Variants in NAPEPLD observed in about 807,000 individuals in gnomAD.
NAPEPLD encodes the protein N-acyl phosphatidylethanolamine phospholipase D, also known as N-acyl-phosphatidylethanolamine-hydrolyzing phospholipase D.
A neutral mutation model predicts 38.1 loss-of-function variants in NAPEPLD; 23 were observed. The ratio of observed to expected loss-of-function variants is 0.60; its 90% confidence interval spans 0.43 to 0.86. The LOEUF (loss-of-function observed/expected upper bound fraction) is 0.86. Among genes scored for constraint, NAPEPLD ranks in the 40% least tolerant of loss-of-function variants. NAPEPLD has a pLI of 0.00. For missense variants in NAPEPLD, 411 were observed against 476.8 expected (o/e 0.86, Z 1.28); for synonymous variants, 147 against 162.0 (o/e 0.91, Z 0.71).
In NAPEPLD at chr7:103,103,233, C is replaced by T; in HGVS notation, c.*196G>A. The T allele has an allele frequency of 4.2e-6, 2 of 471,964 alleles. No homozygotes were observed. Among genetic ancestry groups the T allele is most frequent in the South Asian group, 9.8e-5 (2 of 20,356 alleles). The allele number at this position is 471,964 out of a possible 1,614,324, so 29.2% of individuals were successfully genotyped here. A position where few individuals can be genotyped will look rare whatever the true frequency, so the allele number is the denominator to read the frequency against. The stretch of plus-strand genomic sequence containing the variant: ...GCCAATTCATTATTTAAATGACCCA[C>T]CCCTGAACCCTCTCATAGTGTACAT... On this transcript the variant is annotated 3_prime_UTR_variant, in exon 5 of 5. Transcript: ENST00000465647.
At chr7:103,107,071 T>C (rs1358461221) in intron 4 of NAPEPLD, among the ~76,000 whole-genome samples, 1 of 152,178 alleles carries the variant, frequency 6.6e-6, no homozygotes, top group Non-Finnish European at 1.5e-5. Flanking sequence ...CAGTAATCTT[T>C]GCTGTTCTGC....
At chr7:103,119,468 C>A (rs1322259198) in intron 3 of NAPEPLD, 109 bp downstream of exon 3, 2 of 1,214,094 alleles carry the variant, frequency 1.6e-6, no homozygotes, top group Non-Finnish European at 2.3e-6. Context: ...ATAACAAAGT[C>A]CACCATTAAA....
chr7:103,115,047 C>T lies in NAPEPLD; in HGVS notation c.1056+13G>A, dbSNP rs768060970. 1 of 1,587,694 alleles carries T rather than the reference C, an allele frequency of 6.3e-7. No homozygotes were observed. Among genetic ancestry groups the T allele is most frequent in the Non-Finnish European group, 8.6e-7 (1 of 1,158,662 alleles). ...CAAACACACAAAGTTATTTTTATCGCAATCAAACTTACCTCATTTGCTAAG... is the reference window on the plus strand; with the variant it reads ...CAAACACACAAAGTTATTTTTATCGTAATCAAACTTACCTCATTTGCTAAG... On this transcript the variant is annotated intron_variant, in intron 4 of 4. Coordinates refer to ENST00000465647, the MANE Select transcript of NAPEPLD (RefSeq NM_001122838.3).
intron 4 of NAPEPLD, among the ~76,000 whole-genome samples, chr7:103,112,421 C>T (rs1585835941): frequency 6.6e-6 from 1 of 152,072 alleles, no homozygotes; most frequent in Admixed American, 6.5e-5. Context: ...TACTATGCAG[C>T]CATAGAAAAG....
intron 2 of NAPEPLD, among the ~76,000 whole-genome samples, chr7:103,121,974 C>T (rs1441733159): frequency 1.3e-5 from 2 of 152,000 alleles, no homozygotes; most frequent in Admixed American, 6.6e-5. Context: ...GAGAAACCAC[C>T]CAAGCAAAGG....
chr7:103,121,008 G>A (rs1806589652), intron 2 of NAPEPLD, among the ~76,000 whole-genome samples: 1 of 152,056 alleles, frequency 6.6e-6, no homozygotes, highest in Non-Finnish European at 1.5e-5. Context: ...CACTGTGCCT[G>A]GCCTGAATCT....
chr7:103,109,859 T>A (rs6465895), intron 4 of NAPEPLD, among the ~76,000 whole-genome samples: 1 of 151,992 alleles, frequency 6.6e-6, no homozygotes, highest in African/African-American at 2.4e-5. Flanking sequence ...AGAATCAAAT[T>A]GACGCAATAA....
chr7:103,136,291 G>A (rs1810042231), intron 1 of NAPEPLD, among the ~76,000 whole-genome samples: 2 of 151,138 alleles, frequency 1.3e-5, no homozygotes, highest in East Asian at 3.9e-4. Flanking sequence ...AATTGTTGAG[G>A]CTGGGAGCAG....
intron 1 of NAPEPLD, among the ~76,000 whole-genome samples, chr7:103,137,835 AAG>A (rs1199980639): frequency 7.3e-6 from 1 of 136,382 alleles, no homozygotes; most frequent in African/African-American, 2.6e-5. Context: ...AAAAAAAAAA[AAG>A]AAAAAGAAAA....
At chr7:103,105,030 A>T (rs1219622456) in intron 4 of NAPEPLD, among the ~76,000 whole-genome samples, 3 of 152,208 alleles carry the variant, frequency 2.0e-5, no homozygotes, top group Non-Finnish European at 2.9e-5. Context: ...AGTTGGCAGT[A>T]GACCCTCTGT....
intron 4 of NAPEPLD, among the ~76,000 whole-genome samples, chr7:103,109,135 T>G (rs1348477063): frequency 2.0e-5 from 3 of 152,118 alleles, no homozygotes; most frequent in Non-Finnish European, 4.4e-5. Flanking sequence ...CACACAATAA[T>G]AGTGGAAGAC....
chr7:103,145,701 A>G (rs531678506), intron 1 of NAPEPLD, among the ~76,000 whole-genome samples: 1 of 152,322 alleles, frequency 6.6e-6, no homozygotes, highest in Admixed American at 6.5e-5. Context: ...GTCAGGCCAG[A>G]GAGTTACATG....
chr7:103,147,397 C>T (rs1418056489), intron 1 of NAPEPLD, among the ~76,000 whole-genome samples: 1 of 152,180 alleles, frequency 6.6e-6, no homozygotes, highest in African/African-American at 2.4e-5. Context: ...ATCAACAGTC[C>T]TCCAGCTATA....
At position 103,128,931 on chromosome 7, in the gene NAPEPLD, T is replaced by C. The variant is rs933757117; in HGVS notation, c.-16-139A>G. 4.8e-5 allele frequency: 44 copies of C among 920,980 alleles called. No individual in the cohort carries two copies. The African/African-American group carries it at 6.0e-4, about 13-fold the overall frequency. 57.1% of individuals were successfully genotyped at this position (920,980 alleles called of 1,614,324 possible). On this transcript the variant is annotated intron_variant, in intron 1 of 4. Coordinates refer to ENST00000465647, the MANE Select transcript of NAPEPLD (RefSeq NM_001122838.3). ...TCTGTATTAGCTGAAACTTTCTTCC[T>C]GCAAGGCACAATTTTAGAATACAGT...
At chr7:103,123,611 T>C (rs147426587) in intron 2 of NAPEPLD, among the ~76,000 whole-genome samples, 1 of 152,330 alleles carries the variant, frequency 6.6e-6, no homozygotes, top group East Asian at 1.9e-4. Context: ...AAGTGCTTAT[T>C]ATGTGCTAGA....
At chr7:103,142,051 A>T (rs1367297004) in intron 1 of NAPEPLD, 1 of 592,314 alleles carries the variant, frequency 1.7e-6, no homozygotes, top group African/African-American at 1.9e-5. Flanking sequence ...GATAATTTTT[A>T]AAAGTTCTGT....
At chr7:103,128,130 T>C in intron 2 of NAPEPLD, 1 of 256,480 alleles carries the variant, frequency 3.9e-6, no homozygotes, top group Non-Finnish European at 7.4e-6. Context: ...TTCATGACCT[T>C]GTTCATGCCA....
intron 1 of NAPEPLD, among the ~76,000 whole-genome samples, chr7:103,130,852 G>A (rs77660924): frequency 0.011 from 1,684 of 152,050 alleles, 35 homozygotes; most frequent in African/African-American, 0.039. Context: ...TTGCCTCCTC[G>A]GACTCACAAA....
chr7:103,141,425 C>T, intron 1 of NAPEPLD: 1 of 877,024 alleles, frequency 1.1e-6, no homozygotes. Flanking sequence ...CTCTTCATAG[C>T]TCTTGTGTGC....
Sources: allele counts gnomAD v4.1 joint callset (sites outside exome capture counted in the v4.1 genomes callset), GRCh38; gene constraint gnomAD v4.1.1; transcripts MANE v1.5; gene names NCBI Gene and HGNC (gene_info 2026-07-23, HGNC 2026-07-21).